The following ERGIC1 variants were observed in gnomAD, a reference collection of about 807,000 sequenced individuals.
ERGIC1 encodes the protein endoplasmic reticulum-Golgi intermediate compartment protein 1.
In ERGIC1, 19 loss-of-function variants were observed where a neutral mutation model predicts 38.3. The ratio of observed to expected loss-of-function variants is 0.50; its 90% CI spans 0.35 to 0.73. ERGIC1 has a LOEUF of 0.73. ERGIC1 is among the 30% of genes least tolerant of loss of function. The probability of loss-of-function intolerance (pLI) is 0.01; values close to 1 mark genes in which losing one functional copy is unlikely to be tolerated. For synonymous variants in ERGIC1, 124 were observed against 157.6 expected (o/e 0.79, Z 1.60); for missense variants, 294 against 389.2 (o/e 0.76, Z 2.06).
chr5:172,920,596 C>T, intron 5 of ERGIC1: 1 of 613,562 alleles, frequency 1.6e-6, no homozygotes, highest in South Asian at 1.9e-5. Flanking sequence ...TTTCTTCAGC[C>T]CAGCATGTGC....
chr5:172,892,071 T>TGTTTTGTTTTG (rs1427185746), intron 2 of ERGIC1, among the ~76,000 whole-genome samples: 1 of 113,436 alleles, frequency 8.8e-6, no homozygotes, highest in African/African-American at 2.8e-5. Flanking sequence ...TGTTTTTTTT[T>TGTTTTGTTTTG]TTTTTTTTTT....
At chr5:172,880,062 C>G (rs1762242823) in intron 1 of ERGIC1, among the ~76,000 whole-genome samples, 1 of 152,138 alleles carries the variant, frequency 6.6e-6, no homozygotes, top group Non-Finnish European at 1.5e-5. Context: ...GAGGCAAAGT[C>G]TTGCTCTATC....
rs1059466 is a variant in ERGIC1 at position 172,952,595 on chromosome 5, C to G, written c.*1779C>G. ...GAAGAGACACCTCTGACCCGTTATTCTTATAATCAAAATCTGAAGGGAAAA... is the reference window on the plus strand; with the variant it reads ...GAAGAGACACCTCTGACCCGTTATTGTTATAATCAAAATCTGAAGGGAAAA... On this transcript the variant is annotated 3_prime_UTR_variant, in exon 10 of 10. Transcript: ENST00000393784. 1 of 150,286 alleles carries G rather than the reference C, an allele frequency of 6.7e-6. No homozygotes were observed. The highest frequency in any genetic ancestry group is 6.6e-5 in the Admixed American group (1 of 15,096). 9.3% of individuals were successfully genotyped at this position (150,286 alleles called of 1,614,324 possible). A position where few individuals can be genotyped will look rare whatever the true frequency, so the allele number is the denominator to read the frequency against.
intron 3 of ERGIC1, among the ~76,000 whole-genome samples, chr5:172,903,563 G>A (rs1195414719): frequency 1.3e-5 from 2 of 152,094 alleles, no homozygotes; most frequent in Non-Finnish European, 1.5e-5. Flanking sequence ...TGGTTTCATC[G>A]ACGTGAAGGG....
At position 172,950,699 on chromosome 5, in the gene ERGIC1, C is replaced by T. The variant is rs1410231787; in HGVS notation, c.766-10C>T. 6.2e-7 allele frequency: 1 copy of T among 1,608,980 alleles called. No homozygotes were observed. The highest frequency in any genetic ancestry group is 8.5e-7 in the Non-Finnish European group (1 of 1,176,098). On this transcript the variant is annotated splice_polypyrimidine_tract_variant and intron_variant, in intron 9 of 9. Transcript: ENST00000393784. ...TCTGACACTCCCACCCCACCCCTGC[C>T]CTCTTGCAGATCTGTGCCATCATTG...
chr5:172,938,785 C>T (rs1180942345), intron 9 of ERGIC1, among the ~76,000 whole-genome samples: 4 of 151,346 alleles, frequency 2.6e-5, no homozygotes, highest in African/African-American at 4.9e-5. Flanking sequence ...AGAAATCGGC[C>T]GGGCACGGTG....
intron 7 of ERGIC1, among the ~76,000 whole-genome samples, chr5:172,931,657 G>A (rs1184667585): frequency 1.3e-5 from 2 of 152,150 alleles, no homozygotes; most frequent in Non-Finnish European, 2.9e-5. Context: ...ACAATGAAAT[G>A]GGATCTTTCT....
intron 5 of ERGIC1, among the ~76,000 whole-genome samples, chr5:172,923,307 A>T (rs1372802010): frequency 8.5e-6 from 1 of 118,282 alleles, no homozygotes; most frequent in East Asian, 2.6e-4. Context: ...AGCATCTGGG[A>T]GGAGGAGGAG....
chr5:172,858,661 A>G (rs534692148), intron 1 of ERGIC1, among the ~76,000 whole-genome samples: 1 of 152,332 alleles, frequency 6.6e-6, no homozygotes, highest in South Asian at 2.1e-4. Context: ...GACACGAGGA[A>G]AAGGCTGTTA....
chr5:172,920,463 C>T (rs142740491), intron 5 of ERGIC1: 11 of 717,690 alleles, frequency 1.5e-5, no homozygotes, highest in South Asian at 4.4e-5. Context: ...CAGCCAGCCC[C>T]GCAGGAGGAG....
chr5:172,941,763 G>C (rs1056393314), intron 9 of ERGIC1, among the ~76,000 whole-genome samples: 2 of 152,200 alleles, frequency 1.3e-5, no homozygotes, highest in Non-Finnish European at 2.9e-5. Context: ...TAAAAAAGCC[G>C]ACGTCCATCT....
At chr5:172,897,372 T>G (rs1421525672) in intron 3 of ERGIC1, among the ~76,000 whole-genome samples, 1 of 146,846 alleles carries the variant, frequency 6.8e-6, no homozygotes, top group African/African-American at 2.5e-5. Flanking sequence ...GAGGTTGCAG[T>G]GAACCAAGAG....
chr5:172,881,172 C>T (rs983056868), intron 1 of ERGIC1, among the ~76,000 whole-genome samples: 12 of 152,034 alleles, frequency 7.9e-5, no homozygotes, highest in Admixed American at 6.5e-5. Context: ...GCTTGAACCT[C>T]GGAGGCGGAG....
At chr5:172,836,550 C>T (rs144742461) in intron 1 of ERGIC1, among the ~76,000 whole-genome samples, 1 of 152,328 alleles carries the variant, frequency 6.6e-6, no homozygotes, top group African/African-American at 2.4e-5. Context: ...ACTCTTTAAG[C>T]TCTGTGAACT....
chr5:172,914,427 A>G (rs945381389), intron 4 of ERGIC1: 1 of 528,572 alleles, frequency 1.9e-6, no homozygotes, highest in Non-Finnish European at 3.4e-6. Context: ...AAACTGAGGC[A>G]TCCAGAGGTT....
chr5:172,848,035 G>A (rs1270935132), intron 1 of ERGIC1, among the ~76,000 whole-genome samples: 2 of 152,258 alleles, frequency 1.3e-5, no homozygotes, highest in East Asian at 3.8e-4. Flanking sequence ...AAGTGCTAGA[G>A]AGAGGAGATG....
In ERGIC1 at chr5:172,897,055, G is replaced by A. The variant is rs777001809; in HGVS notation, c.136G>A (p.Gly46Arg). The change falls in exon 3 of 10, where the codon GGA becomes AGA. Residue 46 changes from glycine to arginine, a missense_variant. Coordinates refer to ENST00000393784, the MANE Select transcript of ERGIC1 (RefSeq NM_001031711.3). ...CTTCCTCTTCCTCTCGGAGCTCACCGGATTTATAACGACAGAAGTGTAAGT... is the reference window on the plus strand; with the variant it reads ...CTTCCTCTTCCTCTCGGAGCTCACCAGATTTATAACGACAGAAGTGTAAGT... ...ILFLFLSELT[G>R]FITTEVVNEL... 21 of 1,613,980 alleles carry A rather than the reference G, an allele frequency of 1.3e-5. No homozygotes were observed. Among genetic ancestry groups the A allele is most frequent in the Middle Eastern group, 1.6e-4 (1 of 6,084 alleles).
At chr5:172,922,078 A>C (rs890689322) in intron 5 of ERGIC1, 1 of 152,278 alleles carries the variant, frequency 6.6e-6, no homozygotes, top group Non-Finnish European at 1.5e-5. Flanking sequence ...TTGTCTGCTC[A>C]TCTCCCCAGT....
intron 2 of ERGIC1, among the ~76,000 whole-genome samples, chr5:172,893,914 T>TATATATACACAC (rs1197942428): frequency 6.4e-5 from 5 of 77,854 alleles, no homozygotes; most frequent in African/African-American, 9.6e-5. Context: ...TATGTGTGTG[T>TATATATACACAC]GTGTGTGTGT....
Sources: allele counts gnomAD v4.1 joint callset (sites outside exome capture counted in the v4.1 genomes callset), GRCh38; gene constraint gnomAD v4.1.1; transcripts MANE v1.5; gene names NCBI Gene and HGNC (gene_info 2026-07-23, HGNC 2026-07-21).